Variants in TSHR observed in about 807,000 individuals in gnomAD.
TSHR encodes the protein thyroid stimulating hormone receptor.
A neutral mutation model predicts 64.1 loss-of-function variants in TSHR; 51 were observed. The observed-to-expected ratio is 0.80, with a 90% confidence interval of 0.64 to 1.01. The LOEUF (loss-of-function observed/expected upper bound fraction) is 1.01, where lower values mean the gene tolerates loss of function less well. Among genes scored for constraint, TSHR ranks in the 50% least tolerant of loss-of-function variants. The pLI is 0.00. For synonymous variants in TSHR, 361 were observed against 361.9 expected (o/e 1.00, Z 0.03); for missense variants, 877 against 942.8 (o/e 0.93, Z 0.91).
intron 8 of TSHR, among the ~76,000 whole-genome samples, chr14:81,127,369 C>T (rs1891058930): frequency 6.6e-6 from 1 of 152,096 alleles, no homozygotes; most frequent in Admixed American, 6.5e-5. Context: ...AAAAGTGGAC[C>T]TTTTATCTCC....
At chr14:81,066,702 TA>T (rs1886637079) in intron 2 of TSHR, among the ~76,000 whole-genome samples, 1 of 152,148 alleles carries the variant, frequency 6.6e-6, no homozygotes. Flanking sequence ...TTTTGAAAAA[TA>T]AAAGTACTTG....
chr14:80,997,690 C>T (rs565119617), intron 1 of TSHR, among the ~76,000 whole-genome samples: 5 of 152,174 alleles, frequency 3.3e-5, no homozygotes, highest in East Asian at 1.9e-4. Context: ...AAATGAAATA[C>T]GGAGATAGTT....
intron 8 of TSHR, among the ~76,000 whole-genome samples, chr14:81,113,708 G>C (rs1890336802): frequency 6.6e-6 from 1 of 152,204 alleles, no homozygotes; most frequent in South Asian, 2.1e-4. Context: ...AAAACCAAGA[G>C]AGAGCTGCAC....
In TSHR at chr14:80,980,075, G is replaced by T. The variant is rs188514475; in HGVS notation, c.170+24225G>T. ...CTTTTACTAGTTTCCCTCCACTTTA[G>T]TCACTTCTATTATTTCAGCCACTTT... is the stretch of plus-strand genomic sequence containing the variant. On this transcript the variant is annotated intron_variant, in intron 1 of 9. Transcript: ENST00000298171. Among the ~76,000 whole-genome samples the T allele has an allele frequency of 3.5e-4, 54 of 152,148 alleles. 1 individual carries two copies. The highest frequency in any genetic ancestry group is 1.2e-3 in the African/African-American group (48 of 41,512).
chr14:81,095,165 C>T (rs1314162853), intron 6 of TSHR, among the ~76,000 whole-genome samples: 1 of 152,182 alleles, frequency 6.6e-6, no homozygotes, highest in Non-Finnish European at 1.5e-5. Flanking sequence ...CTCTTATCTT[C>T]ATGCCAATAA....
intron 3 of TSHR, among the ~76,000 whole-genome samples, chr14:81,079,599 C>T (rs941521632): frequency 6.6e-6 from 1 of 152,176 alleles, no homozygotes; most frequent in African/African-American, 2.4e-5. Flanking sequence ...CACCTATAAT[C>T]CCAGCATTTT....
chr14:81,069,012 C>T, intron 3 of TSHR, among the ~76,000 whole-genome samples: 1 of 152,286 alleles, frequency 6.6e-6, no homozygotes, highest in Admixed American at 6.5e-5. Flanking sequence ...TAAATAATCA[C>T]ATTGCATTAT....
chr14:81,034,124 G>A (rs926849497), intron 1 of TSHR, among the ~76,000 whole-genome samples: 10 of 152,174 alleles, frequency 6.6e-5, no homozygotes, highest in African/African-American at 2.4e-4. Context: ...CCTACCAGAG[G>A]TAGAGACCTG....
intron 6 of TSHR, among the ~76,000 whole-genome samples, chr14:81,093,978 C>G (rs569485300): frequency 6.6e-6 from 1 of 152,248 alleles, no homozygotes; most frequent in Admixed American, 6.5e-5. Flanking sequence ...AAGCACCCCC[C>G]TCAAGTGAAA....
At chr14:81,009,024 C>CTTGTTAAA (rs1889768323) in intron 1 of TSHR, among the ~76,000 whole-genome samples, 1 of 152,124 alleles carries the variant, frequency 6.6e-6, no homozygotes, top group Non-Finnish European at 1.5e-5. Context: ...TCAAAACACC[C>CTTGTTAAA]ACATTTTTAA....
At chr14:81,110,729 T>C (rs1566819753) in intron 8 of TSHR, among the ~76,000 whole-genome samples, 1 of 152,188 alleles carries the variant, frequency 6.6e-6, no homozygotes. Flanking sequence ...CTGAATTAGA[T>C]TGAAAAATGA....
intron 1 of TSHR, among the ~76,000 whole-genome samples, chr14:81,038,947 G>A (rs1884789675): frequency 6.6e-6 from 1 of 151,568 alleles, no homozygotes; most frequent in Non-Finnish European, 1.5e-5. Context: ...CTTCATTGCT[G>A]AATTCTACTG....
chr14:81,005,770 T>C (rs948407323), intron 1 of TSHR, among the ~76,000 whole-genome samples: 11 of 151,966 alleles, frequency 7.2e-5, no homozygotes, highest in African/African-American at 2.7e-4. Context: ...CAGTAAGGAG[T>C]GATGAAAGGA....
chr14:80,981,701 C>T (rs748511823), intron 1 of TSHR, among the ~76,000 whole-genome samples: 18 of 152,066 alleles, frequency 1.2e-4, no homozygotes, highest in Non-Finnish European at 2.4e-4. Flanking sequence ...GGTCCATCAC[C>T]GCTGGTAGCT....
rs1891818053 is a variant in TSHR, at chr14:81,143,878, C to T, written c.1820C>T (p.Thr607Ile). 1.2e-6 allele frequency: 2 copies of T among 1,614,162 alleles called. No individual in the cohort carries two copies. The highest frequency in any genetic ancestry group is 1.7e-6 in the Non-Finnish European group (2 of 1,180,036). Residue 607 changes from threonine to isoleucine, a missense_variant, in exon 10 of 10, where the codon ACA (threonine) becomes ATA (isoleucine). Thr to Ile is a moderately conservative substitution (Grantham distance 89, BLOSUM62 -1). Transcript: ENST00000298171. The stretch of plus-strand genomic sequence containing the variant: ...TGCTGTTATGTGAAGATCTACATCA[C>T]AGTCCGAAATCCGCAGTACAACCCA... ...VCCCYVKIYI[T>I]VRNPQYNPGD...
At chr14:81,036,569 G>C (rs970598804) in intron 1 of TSHR, among the ~76,000 whole-genome samples, 2 of 152,132 alleles carry the variant, frequency 1.3e-5, no homozygotes, top group South Asian at 4.1e-4. Flanking sequence ...ATCCATCACT[G>C]CTAGACCAGC....
At chr14:81,087,060 G>A (rs1051608340) in intron 3 of TSHR, among the ~76,000 whole-genome samples, 2 of 152,186 alleles carry the variant, frequency 1.3e-5, no homozygotes, top group Non-Finnish European at 2.9e-5. Flanking sequence ...AATGTTTGAA[G>A]TTTATGGAAT....
At chr14:81,096,803 C>T (rs1889227862) in intron 7 of TSHR, 96 bp downstream of exon 7, 6 of 1,342,782 alleles carry the variant, frequency 4.5e-6, no homozygotes, top group African/African-American at 1.5e-5. Flanking sequence ...TCTACCAGAG[C>T]ATCTTCCACG....
intron 3 of TSHR, among the ~76,000 whole-genome samples, chr14:81,068,641 A>G (rs1474602059): frequency 6.6e-6 from 1 of 152,194 alleles, no homozygotes; most frequent in Non-Finnish European, 1.5e-5. Context: ...CTGAGTAACT[A>G]CTTGATTCTA....
Sources: gnomAD v4.1 joint callset for allele counts (sites outside exome capture counted in the v4.1 genomes callset) on GRCh38, gnomAD v4.1.1 for gene constraint, MANE v1.5 for transcripts, NCBI Gene and HGNC (gene_info 2026-07-23, HGNC 2026-07-21) for gene names.